Variants in TSGA10 observed in about 807,000 individuals in gnomAD.
TSGA10 encodes testis-specific gene 10 protein.
In TSGA10, 43 loss-of-function variants were observed where a neutral mutation model predicts 96.6. The ratio of observed to expected loss-of-function variants is 0.44; its 90% CI spans 0.35 to 0.57. The LOEUF is 0.57. Ranked by LOEUF, TSGA10 falls within the 20% of genes least tolerant of loss-of-function variation. The probability of loss-of-function intolerance (pLI) is 0.01; values close to 1 mark genes in which losing one functional copy is unlikely to be tolerated. For synonymous variants in TSGA10, 229 were observed against 269.9 expected (o/e 0.85, Z 1.48); for missense variants, 703 against 834.4 (o/e 0.84, Z 1.94).
intron 20 of TSGA10, among the ~76,000 whole-genome samples, chr2:99,007,550 A>C (rs2078611865): frequency 6.6e-6 from 1 of 152,204 alleles, no homozygotes; most frequent in Non-Finnish European, 1.5e-5. Context: ...TTCCATGATG[A>C]AGAATGACAG....
At chr2:99,019,416 C>T (rs1161067725) in intron 18 of TSGA10, among the ~76,000 whole-genome samples, 1 of 152,114 alleles carries the variant, frequency 6.6e-6, no homozygotes, top group Non-Finnish European at 1.5e-5. Flanking sequence ...CCTGCAAAAC[C>T]TGTTGAAGGA....
intron 16 of TSGA10, among the ~76,000 whole-genome samples, chr2:99,063,956 G>T (rs1303534504): frequency 1.3e-5 from 2 of 152,098 alleles, no homozygotes. Context: ...AATTTCACTT[G>T]CAATCAAGGA....
intron 10 of TSGA10, among the ~76,000 whole-genome samples, chr2:99,095,168 G>A (rs2089894743): frequency 6.6e-6 from 1 of 152,160 alleles, no homozygotes; most frequent in Admixed American, 6.5e-5. Flanking sequence ...AACATCTTAT[G>A]TTCTCACTCA....
At chr2:99,028,990 G>T (rs982770154) in intron 17 of TSGA10, among the ~76,000 whole-genome samples, 1 of 152,072 alleles carries the variant, frequency 6.6e-6, no homozygotes, top group Admixed American at 6.6e-5. Flanking sequence ...ATGGTAAAAA[G>T]TAGAATAATC....
At chr2:99,080,675 T>C (rs2087349919) in intron 11 of TSGA10, among the ~76,000 whole-genome samples, 1 of 152,170 alleles carries the variant, frequency 6.6e-6, no homozygotes, top group Admixed American at 6.5e-5. Flanking sequence ...CCAGACATTC[T>C]TGAACTATAT....
chr2:99,101,692 G>T lies in TSGA10; in HGVS notation c.611+2275C>A, dbSNP rs537034520. 3.3e-5 allele frequency among the ~76,000 whole-genome samples: 5 copies of T among 152,206 alleles called. No homozygotes were observed. In the South Asian group the frequency reaches 1.0e-3, roughly 32 times the overall value. On this transcript the variant is annotated intron_variant, in intron 10 of 20. Coordinates refer to ENST00000393483, the MANE Select transcript of TSGA10 (RefSeq NM_025244.4). ...GGAGAGAGAGAGAAAAGAACAAAAA[G>T]ATAAAGAACTAAAGATTCAGCCTCA...
At chr2:99,065,403 TTC>T (rs2085156786) in intron 15 of TSGA10, among the ~76,000 whole-genome samples, 1 of 152,160 alleles carries the variant, frequency 6.6e-6, no homozygotes, top group Admixed American at 6.5e-5. Context: ...AATGAATTTG[TTC>T]TTATATTTCC....
intron 17 of TSGA10, among the ~76,000 whole-genome samples, chr2:99,022,322 CT>C (rs2080107873): frequency 1.3e-5 from 1 of 79,720 alleles, no homozygotes; most frequent in African/African-American, 6.5e-5. Flanking sequence ...GAGACCCTGT[CT>C]CAAAAAAAAA....
At chr2:99,020,201 A>G in intron 18 of TSGA10, 79 bp downstream of exon 18, 1 of 1,282,876 alleles carries the variant, frequency 7.8e-7, no homozygotes, top group South Asian at 1.4e-5. Flanking sequence ...CAAATTCTCT[A>G]AATTCTAGCT....
At chr2:99,121,022 G>A (rs1042559557) in intron 2 of TSGA10, among the ~76,000 whole-genome samples, 19 of 152,108 alleles carry the variant, frequency 1.2e-4, no homozygotes, top group African/African-American at 3.1e-4. Flanking sequence ...ATTTATTGCT[G>A]AATAATATTC....
At chr2:99,151,970 G>T (rs1383010122) in intron 1 of TSGA10, among the ~76,000 whole-genome samples, 1 of 152,184 alleles carries the variant, frequency 6.6e-6, no homozygotes, top group Non-Finnish European at 1.5e-5. Context: ...AAATGTGTTT[G>T]TAGGGAATAT....
chr2:99,143,251 C>T (rs1278925904), intron 1 of TSGA10, among the ~76,000 whole-genome samples: 8 of 148,804 alleles, frequency 5.4e-5, no homozygotes, highest in African/African-American at 2.0e-4. Flanking sequence ...ATGCCATTCT[C>T]CTGCCTCAGC....
chr2:99,128,025 A>G (rs976701616), intron 1 of TSGA10, among the ~76,000 whole-genome samples: 1 of 152,240 alleles, frequency 6.6e-6, no homozygotes, highest in African/African-American at 2.4e-5. Flanking sequence ...TGTGTAACTT[A>G]GGAAAACAAT....
intron 20 of TSGA10, among the ~76,000 whole-genome samples, chr2:99,013,546 T>C (rs1176172641): frequency 6.6e-6 from 1 of 151,384 alleles, no homozygotes; most frequent in Admixed American, 6.6e-5. Flanking sequence ...TTAGCCAGGA[T>C]GGTCTCAATC....
At chr2:99,104,162 C>T (rs781281292) in intron 9 of TSGA10, 44 bp from the exon 10 acceptor site, 51 of 1,601,792 alleles carry the variant, frequency 3.2e-5, no homozygotes, top group Non-Finnish European at 4.0e-5. Flanking sequence ...ACTAAAAACA[C>T]CTTAGTAATC....
At chr2:99,121,622 C>T (rs1300667982) in intron 2 of TSGA10, among the ~76,000 whole-genome samples, 1 of 93,254 alleles carries the variant, frequency 1.1e-5, no homozygotes, top group East Asian at 9.6e-4. Context: ...CAGGCATGCA[C>T]CACCTGCCTA....
chr2:99,090,428 A>G (rs2089178061), intron 10 of TSGA10, among the ~76,000 whole-genome samples: 1 of 152,180 alleles, frequency 6.6e-6, no homozygotes, highest in Admixed American at 6.5e-5. Flanking sequence ...TCCCTTTTAG[A>G]TTTCTTCTTG....
intron 10 of TSGA10, chr2:99,102,880 ATT>A: frequency 1.4e-6 from 1 of 703,924 alleles, no homozygotes; most frequent in Non-Finnish European, 2.5e-6. Flanking sequence ...GTCCTTTTAT[ATT>A]TGTCTTTGTA....
chr2:99,152,816 T>G (rs969248921), intron 1 of TSGA10, among the ~76,000 whole-genome samples: 4 of 152,200 alleles, frequency 2.6e-5, no homozygotes, highest in African/African-American at 9.7e-5. Flanking sequence ...CAAAAAAGGC[T>G]TTAGCCTTTA....
Sources: gnomAD v4.1 joint callset for allele counts (sites outside exome capture counted in the v4.1 genomes callset) on GRCh38, gnomAD v4.1.1 for gene constraint, MANE v1.5 for transcripts, NCBI Gene and HGNC (gene_info 2026-07-23, HGNC 2026-07-21) for gene names.